The following ZRANB3 variants were observed in gnomAD, a reference collection of about 807,000 sequenced individuals.
ZRANB3 encodes the protein zinc finger RANBP2-type containing 3.
In ZRANB3, 125 loss-of-function variants were observed where a neutral mutation model predicts 133.8. The observed-to-expected ratio is 0.93, with a 90% confidence interval of 0.81 to 1.08. The LOEUF is 1.08. Among genes scored for constraint, ZRANB3 ranks in the 50% least tolerant of loss-of-function variants. ZRANB3 has a pLI of 0.00. For missense variants in ZRANB3, 1,229 were observed against 1,275.5 expected (o/e 0.96, Z 0.56); for synonymous variants, 387 against 432.7 (o/e 0.89, Z 1.31).
Position 135,200,191 on chromosome 2 carries a change from A to G in ZRANB3, c.*151T>C. 2.9e-6 allele frequency: 2 copies of G among 685,124 alleles called. No homozygotes were observed. The highest frequency in any genetic ancestry group is 5.2e-6 in the Non-Finnish European group (2 of 386,284). 42.4% of individuals were successfully genotyped at this position (685,124 alleles called of 1,614,324 possible). On this transcript the variant is annotated 3_prime_UTR_variant, in exon 21 of 21. Coordinates refer to ENST00000264159, the MANE Select transcript of ZRANB3 (RefSeq NM_032143.4). ...GTTAAGTACTTTCAAAATGTATTTA[A>G]TACTAAAAGTAATTAGTAGAAGAGA... is the stretch of plus-strand genomic sequence containing the variant.
intron 12 of ZRANB3, among the ~76,000 whole-genome samples, chr2:135,235,651 G>A (rs1454070097): frequency 4.7e-5 from 7 of 150,380 alleles, no homozygotes; most frequent in African/African-American, 7.4e-5. Flanking sequence ...ATCAATAAAC[G>A]TAATCCAGCA....
chr2:135,360,433 A>G (rs138832516), intron 3 of ZRANB3, among the ~76,000 whole-genome samples: 1,593 of 152,098 alleles, frequency 0.01, 17 homozygotes, highest in African/African-American at 0.033. Context: ...TTGGCTGGGC[A>G]CGGTGGCTCA....
At chr2:135,499,326 G>A (rs934697615) in intron 2 of ZRANB3, among the ~76,000 whole-genome samples, 3 of 152,194 alleles carry the variant, frequency 2.0e-5, no homozygotes, top group Non-Finnish European at 1.5e-5. Flanking sequence ...TAGAATGAAT[G>A]CGGATAAAGA....
chr2:135,339,390 C>A lies in ZRANB3; in HGVS notation c.677+6160G>T, dbSNP rs1315138697. 2.0e-5 allele frequency among the ~76,000 whole-genome samples: 3 copies of A among 151,304 alleles called. No homozygotes were observed. The East Asian group carries it at 5.8e-4, about 29-fold the overall frequency. ...CTGCACTCCAGCCTGGGTGACACAG[C>A]AAGACTCCATCTGAAAAAAAAAACA... On this transcript the variant is annotated intron_variant, in intron 6 of 20. Coordinates refer to ENST00000264159, the MANE Select transcript of ZRANB3 (RefSeq NM_032143.4).
intron 3 of ZRANB3, chr2:135,355,118 A>T: frequency 1.8e-6 from 1 of 559,922 alleles, no homozygotes; most frequent in Non-Finnish European, 2.3e-6. Context: ...GACTTTAAGC[A>T]AGTTTCCATT....
intron 2 of ZRANB3, among the ~76,000 whole-genome samples, chr2:135,392,108 G>A (rs1189225055): frequency 6.6e-6 from 1 of 152,016 alleles, no homozygotes; most frequent in Non-Finnish European, 1.5e-5. Flanking sequence ...AATCCCTTAA[G>A]TGAGGATATT....
chr2:135,456,696 AGATT>A (rs1690534220), intron 2 of ZRANB3, among the ~76,000 whole-genome samples: 1 of 152,164 alleles, frequency 6.6e-6, no homozygotes, highest in African/African-American at 2.4e-5. Context: ...ATCTGAAGTT[AGATT>A]GTTACATTAC....
intron 2 of ZRANB3, among the ~76,000 whole-genome samples, chr2:135,417,803 C>T (rs1688657890): frequency 6.6e-6 from 1 of 152,148 alleles, no homozygotes; most frequent in South Asian, 2.1e-4. Context: ...GAGTTCATGT[C>T]CTTTGTAGGG....
rs1284917238 is a variant in ZRANB3 at position 135,396,412 on chromosome 2, A to G, written c.162-5592T>C. 6.6e-5 allele frequency among the ~76,000 whole-genome samples: 10 copies of G among 152,340 alleles called. No homozygotes were observed. The East Asian group carries it at 1.5e-3, about 23-fold the overall frequency. On this transcript the variant is annotated intron_variant, in intron 2 of 20. Transcript: ENST00000264159. ...AATAGCCAAGATTTGGAAACAACCT[A>G]CATGTCCATCAACAGATGAAGAGAT... is the stretch of plus-strand genomic sequence containing the variant.
intron 2 of ZRANB3, among the ~76,000 whole-genome samples, chr2:135,491,797 G>A (rs1236547271): frequency 6.6e-6 from 1 of 152,024 alleles, no homozygotes; most frequent in African/African-American, 2.4e-5. Flanking sequence ...TTACAGGTGT[G>A]AGCCACCACG....
In ZRANB3 at chr2:135,382,011, G is replaced by A. The variant is rs555085637; in HGVS notation, c.180+8791C>T. On this transcript the variant is annotated intron_variant, in intron 3 of 20. Coordinates refer to ENST00000264159, the MANE Select transcript of ZRANB3 (RefSeq NM_032143.4). Reference sequence around the variant, plus strand: ...GGACGGAGAATGACTTTGACGAGTTGAGAGAAGAAGGCTTCAGACGATCAA... The same window carrying A: ...GGACGGAGAATGACTTTGACGAGTTAAGAGAAGAAGGCTTCAGACGATCAA... 2.0e-3 allele frequency among the ~76,000 whole-genome samples: 298 copies of A among 152,324 alleles called. 1 individual carries two copies. The highest frequency in any genetic ancestry group is 7.0e-3 in the African/African-American group (291 of 41,564).
At chr2:135,312,207 T>G (rs1573889089) in intron 8 of ZRANB3, among the ~76,000 whole-genome samples, 2 of 148,326 alleles carry the variant, frequency 1.3e-5, no homozygotes, top group East Asian at 3.9e-4. Flanking sequence ...TATTTTATTT[T>G]ATTTTATTTG....
At chr2:135,237,715 C>G (rs1223546813) in intron 12 of ZRANB3, among the ~76,000 whole-genome samples, 1 of 151,940 alleles carries the variant, frequency 6.6e-6, no homozygotes, top group East Asian at 1.9e-4. Flanking sequence ...ACCACATGTC[C>G]TCACTCATAG....
intron 2 of ZRANB3, among the ~76,000 whole-genome samples, chr2:135,471,691 C>T (rs1042037036): frequency 2.0e-5 from 3 of 152,028 alleles, no homozygotes; most frequent in Admixed American, 6.6e-5. Flanking sequence ...ACAGGGTTCA[C>T]GAAATGCAGA....
At chr2:135,499,163 A>G (rs1692823581) in intron 2 of ZRANB3, among the ~76,000 whole-genome samples, 1 of 152,066 alleles carries the variant, frequency 6.6e-6, no homozygotes, top group Admixed American at 6.6e-5. Context: ...TCCAGCTTTA[A>G]AATTTCTCTC....
intron 19 of ZRANB3, among the ~76,000 whole-genome samples, chr2:135,205,850 T>C (rs1693833417): frequency 6.6e-6 from 1 of 152,248 alleles, no homozygotes; most frequent in Non-Finnish European, 1.5e-5. Flanking sequence ...TGTGATGGAC[T>C]ACATTTCTGG....
chr2:135,366,647 G>A (rs1378360842), intron 3 of ZRANB3, among the ~76,000 whole-genome samples: 1 of 151,710 alleles, frequency 6.6e-6, no homozygotes, highest in Non-Finnish European at 1.5e-5. Flanking sequence ...ATTGAGTTAG[G>A]CAATAAAAGA....
intron 1 of ZRANB3, among the ~76,000 whole-genome samples, chr2:135,520,243 T>A (rs1693877967): frequency 6.6e-6 from 1 of 151,644 alleles, no homozygotes; most frequent in African/African-American, 2.4e-5. Context: ...TAAAAATAAT[T>A]AGCCGGGCAT....
chr2:135,323,792 A>G (rs1683658624), intron 6 of ZRANB3, among the ~76,000 whole-genome samples: 1 of 151,508 alleles, frequency 6.6e-6, no homozygotes, highest in African/African-American at 2.4e-5. Context: ...TCTCCATCTC[A>G]GGAGAGCACT....
Sources: gnomAD v4.1 joint callset for allele counts (sites outside exome capture counted in the v4.1 genomes callset) on GRCh38, gnomAD v4.1.1 for gene constraint, MANE v1.5 for transcripts, NCBI Gene and HGNC (gene_info 2026-07-23, HGNC 2026-07-21) for gene names.